GMDS: variants seen among roughly 807,000 people sequenced by gnomAD.
The protein encoded by GMDS is GDP-mannose 4,6 dehydratase.
In GMDS, 20 loss-of-function variants were observed where a neutral mutation model predicts 49.9. The observed-to-expected ratio is 0.40, with a 90% CI of 0.28 to 0.58. GMDS has a LOEUF of 0.58. Ranked by LOEUF, GMDS falls within the 20% of genes least tolerant of loss-of-function variation. The probability of loss-of-function intolerance (pLI) is 0.42; values close to 1 mark genes in which losing one functional copy is unlikely to be tolerated. For missense variants in GMDS, 362 were observed against 481.4 expected, an observed-to-expected ratio of 0.75 and a Z score of 2.32; for synonymous variants, 177 against 178.6, an observed-to-expected ratio of 0.99 and a Z score of 0.07.
At chr6:1,702,546 A>C (rs1294735395) in intron 9 of GMDS, among the ~76,000 whole-genome samples, 1 of 152,120 alleles carries the variant, frequency 6.6e-6, no homozygotes, top group Non-Finnish European at 1.5e-5. Context: ...CTATGACTGA[A>C]GCTCATTCCA....
At chr6:1,870,765 C>G (rs1332357342) in intron 7 of GMDS, among the ~76,000 whole-genome samples, 1 of 152,160 alleles carries the variant, frequency 6.6e-6, no homozygotes, top group African/African-American at 2.4e-5. Flanking sequence ...ATGCAAAACA[C>G]ACACTATTAA....
chr6:1,845,447 C>T (rs1313534574), intron 7 of GMDS, among the ~76,000 whole-genome samples: 2 of 152,154 alleles, frequency 1.3e-5, no homozygotes, highest in Non-Finnish European at 2.9e-5. Flanking sequence ...AGTAGAATAA[C>T]TATCTGGTCC....
chr6:2,094,983 TCTCA>T (rs759928899), intron 4 of GMDS, among the ~76,000 whole-genome samples: 3 of 152,200 alleles, frequency 2.0e-5, no homozygotes, highest in Non-Finnish European at 4.4e-5. Context: ...TATGAAATTT[TCTCA>T]CTAAGAATCA....
At chr6:1,823,424 C>G (rs1770976611) in intron 7 of GMDS, among the ~76,000 whole-genome samples, 1 of 152,146 alleles carries the variant, frequency 6.6e-6, no homozygotes, top group Admixed American at 6.5e-5. Context: ...CTCATCAAGT[C>G]TAAAGTTTTT....
intron 2 of GMDS, among the ~76,000 whole-genome samples, chr6:2,123,681 G>A (rs570918677): frequency 6.6e-6 from 1 of 152,250 alleles, no homozygotes; most frequent in Non-Finnish European, 1.5e-5. Context: ...GATTATTACA[G>A]CAGCTTATGC....
At chr6:2,194,117 G>T (rs926144289) in intron 1 of GMDS, among the ~76,000 whole-genome samples, 6 of 152,140 alleles carry the variant, frequency 3.9e-5, no homozygotes, top group African/African-American at 1.4e-4. Context: ...TAGTTCCCAT[G>T]CCTCAGGAAA....
Position 2,238,853 on chromosome 6 carries a change from A to T in GMDS, c.102+6468T>A, listed in dbSNP as rs188449915. Among the ~76,000 whole-genome samples the T allele has an allele frequency of 6.1e-3, 934 of 152,222 alleles. 3 individuals carry two copies. Among genetic ancestry groups the T allele is most frequent in the Middle Eastern group, 0.017 (5 of 294 alleles). On this transcript the variant is annotated intron_variant, in intron 1 of 10. Coordinates refer to ENST00000380815, the MANE Select transcript of GMDS (RefSeq NM_001500.4). ...ATTATTATGTACCAGTTAAAAAAAA[A>T]ATCGTTCCTCACCAAAAAGTCACTT...
At chr6:2,035,616 T>C (rs1339702262) in intron 4 of GMDS, among the ~76,000 whole-genome samples, 3 of 152,158 alleles carry the variant, frequency 2.0e-5, no homozygotes, top group Non-Finnish European at 4.4e-5. Flanking sequence ...TTACCTATGG[T>C]CAAGTTATTT....
At chr6:1,700,847 C>T (rs1730607087) in intron 9 of GMDS, among the ~76,000 whole-genome samples, 1 of 152,052 alleles carries the variant, frequency 6.6e-6, no homozygotes, top group South Asian at 2.1e-4. Flanking sequence ...CCATCCCAGC[C>T]CCAGTTCTGG....
At chr6:1,829,686 C>A (rs1771269729) in intron 7 of GMDS, among the ~76,000 whole-genome samples, 1 of 152,364 alleles carries the variant, frequency 6.6e-6, no homozygotes, top group South Asian at 2.1e-4. Context: ...GCGATCCACC[C>A]TCCTCGGCCT....
At chr6:1,852,756 G>C (rs959939565) in intron 7 of GMDS, among the ~76,000 whole-genome samples, 3 of 151,202 alleles carry the variant, frequency 2.0e-5, no homozygotes, top group Non-Finnish European at 4.4e-5. Context: ...GCCCAGGCTA[G>C]AGTGCAATGG....
At chr6:2,169,621 C>CAAAAAAAAAAA (rs556634869) in intron 1 of GMDS, among the ~76,000 whole-genome samples, 1 of 73,728 alleles carries the variant, frequency 1.4e-5, no homozygotes. Context: ...CACCAGGCAG[C>CAAAAAAAAAAA]AAAAAAAAAA....
chr6:2,198,799 T>C (rs1026946059), intron 1 of GMDS, among the ~76,000 whole-genome samples: 1 of 152,192 alleles, frequency 6.6e-6, no homozygotes. Context: ...ATAGAAAGGG[T>C]AGCAATTGTG....
intron 4 of GMDS, among the ~76,000 whole-genome samples, chr6:2,035,015 G>T (rs895836897): frequency 6.6e-5 from 10 of 152,104 alleles, no homozygotes; most frequent in African/African-American, 2.4e-4. Context: ...ACCATCTCTA[G>T]TCTACCTTCT....
At chr6:1,980,679 AC>A in intron 4 of GMDS, among the ~76,000 whole-genome samples, 1 of 152,324 alleles carries the variant, frequency 6.6e-6, no homozygotes, top group Non-Finnish European at 1.5e-5. Flanking sequence ...TTGGACCTGA[AC>A]TCAGCTCTGG....
intron 9 of GMDS, among the ~76,000 whole-genome samples, chr6:1,685,014 C>CT (rs1291254124): frequency 9.0e-5 from 10 of 111,284 alleles, no homozygotes; most frequent in Admixed American, 4.2e-4. Flanking sequence ...CCTCTCTCCC[C>CT]CCCCTTTTTT....
At position 2,191,323 on chromosome 6, in the gene GMDS, A is replaced by T. The variant is rs1388256043; in HGVS notation, c.102+53998T>A. On this transcript the variant is annotated intron_variant, in intron 1 of 10. Coordinates refer to ENST00000380815, the MANE Select transcript of GMDS (RefSeq NM_001500.4). This position sits in a 1 kb window ranked among gnomAD's most constrained non-coding sequence, Gnocchi z 4.6. ...GAGTGCGGGGGCCACGGGGGAGCTC[A>T]CAGTGATGTCCCTGGACACCAGCCC... is the stretch of plus-strand genomic sequence containing the variant. Among the ~76,000 whole-genome samples, 1 of 152,134 alleles carries T rather than the reference A, an allele frequency of 6.6e-6. No homozygotes were observed. Among genetic ancestry groups the T allele is most frequent in the Non-Finnish European group, 1.5e-5 (1 of 67,984 alleles).
intron 1 of GMDS, among the ~76,000 whole-genome samples, chr6:2,196,663 T>G (rs1779287463): frequency 6.6e-6 from 1 of 152,208 alleles, no homozygotes; most frequent in African/African-American, 2.4e-5. Flanking sequence ...TAAAGGTTGC[T>G]GTCTTAACTG....
chr6:1,685,565 C>T (rs569529299), intron 9 of GMDS, among the ~76,000 whole-genome samples: 1 of 152,088 alleles, frequency 6.6e-6, no homozygotes, highest in African/African-American at 2.4e-5. Flanking sequence ...CGTCTCCATT[C>T]ATGCCAACAA....
Sources: allele counts gnomAD v4.1 joint callset (sites outside exome capture counted in the v4.1 genomes callset), GRCh38; gene constraint gnomAD v4.1.1; non-coding constraint Gnocchi (gnomAD v3.1); transcripts MANE v1.5; gene names NCBI Gene and HGNC (gene_info 2026-07-23, HGNC 2026-07-21).